The following NELL1 variants were observed in gnomAD, a reference collection of about 807,000 sequenced individuals.
NELL1 encodes protein kinase C-binding protein NELL1.
Under a neutral mutation model 107.4 loss-of-function variants are expected in NELL1, and 76 were observed. The observed-to-expected ratio is 0.71, with a 90% CI of 0.59 to 0.86. The LOEUF (loss-of-function observed/expected upper bound fraction) is 0.86. Ranked by LOEUF, NELL1 falls within the 40% of genes least tolerant of loss-of-function variation. NELL1 has a pLI of 0.00. For synonymous variants in NELL1, 353 were observed against 341.2 expected (o/e 1.03, Z -0.38); for missense variants, 1,024 against 1,005.5 (o/e 1.02, Z -0.25).
intron 10 of NELL1, among the ~76,000 whole-genome samples, chr11:20,943,986 AG>A (rs1430323196): frequency 1.3e-5 from 2 of 152,184 alleles, no homozygotes; most frequent in Non-Finnish European, 2.9e-5. Context: ...TTGTCAGCAG[AG>A]AGTGAGGGTA....
intron 12 of NELL1, among the ~76,000 whole-genome samples, chr11:21,107,570 G>C (rs547365718): frequency 6.6e-6 from 1 of 152,138 alleles, no homozygotes; most frequent in African/African-American, 2.4e-5. Flanking sequence ...TGTCAACGCA[G>C]TTGACACAGC....
intron 14 of NELL1, among the ~76,000 whole-genome samples, chr11:21,320,319 G>T (rs1418452925): frequency 6.6e-6 from 1 of 152,102 alleles, no homozygotes; most frequent in Non-Finnish European, 1.5e-5. Flanking sequence ...TCAGAAAACT[G>T]CTCGAGAGAT....
intron 12 of NELL1, among the ~76,000 whole-genome samples, chr11:20,998,187 A>G (rs1420219973): frequency 6.6e-6 from 1 of 152,076 alleles, no homozygotes; most frequent in Admixed American, 6.6e-5. Flanking sequence ...TTCTTTGTGT[A>G]TGTATATATG....
chr11:21,226,116 T>C (rs758730121), intron 13 of NELL1, among the ~76,000 whole-genome samples: 6 of 152,140 alleles, frequency 3.9e-5, no homozygotes, highest in Non-Finnish European at 8.8e-5. Flanking sequence ...TAGAAGAAAA[T>C]GGTATTTTCT....
intron 5 of NELL1, among the ~76,000 whole-genome samples, chr11:20,889,928 G>GTA (rs1386660134): frequency 6.6e-6 from 1 of 152,170 alleles, no homozygotes; most frequent in Non-Finnish European, 1.5e-5. Context: ...TCTTGTCTTG[G>GTA]TAATTCTGAA....
chr11:20,907,850 A>G (rs1850038102), intron 5 of NELL1, among the ~76,000 whole-genome samples: 1 of 152,172 alleles, frequency 6.6e-6, no homozygotes, highest in Non-Finnish European at 1.5e-5. Context: ...CAAGGAACTT[A>G]AACATATTTA....
At chr11:21,335,986 A>G (rs1850381644) in intron 14 of NELL1, among the ~76,000 whole-genome samples, 1 of 152,108 alleles carries the variant, frequency 6.6e-6, no homozygotes, top group African/African-American at 2.4e-5. Context: ...TCTTAATTTC[A>G]TGCGAAATCA....
intron 14 of NELL1, among the ~76,000 whole-genome samples, chr11:21,273,871 C>A (rs1186236371): frequency 6.6e-6 from 1 of 152,136 alleles, no homozygotes; most frequent in Non-Finnish European, 1.5e-5. Flanking sequence ...TTGTCACCAC[C>A]AGGCCTGCCC....
chr11:20,995,994 T>C (rs1242458131), intron 12 of NELL1, among the ~76,000 whole-genome samples: 1 of 152,204 alleles, frequency 6.6e-6, no homozygotes, highest in African/African-American at 2.4e-5. Flanking sequence ...TTGTGCTCAT[T>C]CTACAGGGGT....
chr11:21,295,785 T>TA (rs1268516452), intron 14 of NELL1, among the ~76,000 whole-genome samples: 1 of 151,926 alleles, frequency 6.6e-6, no homozygotes, highest in Non-Finnish European at 1.5e-5. Flanking sequence ...CTTACACTGA[T>TA]ATGGGAAGCT....
At chr11:21,327,524 A>C (rs992938470) in intron 14 of NELL1, among the ~76,000 whole-genome samples, 13 of 152,174 alleles carry the variant, frequency 8.5e-5, no homozygotes, top group East Asian at 5.8e-4. Flanking sequence ...TTTATAAATT[A>C]CCTAGTCTCC....
At chr11:21,198,407 G>A (rs1177457902) in intron 13 of NELL1, among the ~76,000 whole-genome samples, 1 of 152,150 alleles carries the variant, frequency 6.6e-6, no homozygotes, top group African/African-American at 2.4e-5. Flanking sequence ...GGAGGGCAAG[G>A]TTACACTGAA....
intron 1 of NELL1, among the ~76,000 whole-genome samples, chr11:20,677,109 A>G (rs1049086701): frequency 6.6e-6 from 1 of 152,184 alleles, no homozygotes; most frequent in Non-Finnish European, 1.5e-5. Flanking sequence ...GTTCTCTAAA[A>G]AGAGTTATCA....
chr11:20,910,709 A>T lies in NELL1; in HGVS notation c.604-7473A>T, dbSNP rs912165806. Among the ~76,000 whole-genome samples, 4 of 152,328 alleles carry T rather than the reference A, an allele frequency of 2.6e-5. No individual in the cohort carries two copies. In the East Asian group the frequency reaches 5.8e-4, roughly 22 times the overall value. ...ATTTGTTCATCATTGGTCTTTCTAG[A>T]TTGTAGGCTTCACCAGGGTCAGAAC... On this transcript the variant is annotated intron_variant, in intron 5 of 19. Transcript: ENST00000357134.
chr11:20,960,363 C>T (rs1851265176), intron 11 of NELL1, 69 bp from the exon 12 acceptor site: 1 of 1,484,046 alleles, frequency 6.7e-7, no homozygotes, highest in African/African-American at 1.4e-5. Context: ...AAAAATGTTA[C>T]ATACTTTATT....
intron 2 of NELL1, among the ~76,000 whole-genome samples, chr11:20,748,957 C>T (rs1054920035): frequency 1.3e-5 from 2 of 150,094 alleles, no homozygotes; most frequent in Non-Finnish European, 3.0e-5. Context: ...TCCATCCATC[C>T]ATATTTTGAC....
At chr11:21,346,977 C>T (rs16907971) in intron 14 of NELL1, among the ~76,000 whole-genome samples, 15,651 of 152,166 alleles carry the variant, frequency 0.1, 1,040 homozygotes, top group East Asian at 0.16. Context: ...TATGCCTGAT[C>T]CATATAAAGT....
At chr11:21,134,525 T>C (rs891412372) in intron 13 of NELL1, among the ~76,000 whole-genome samples, 1 of 152,186 alleles carries the variant, frequency 6.6e-6, no homozygotes, top group Non-Finnish European at 1.5e-5. Context: ...GCATCTTTGC[T>C]TTCAAATTCC....
chr11:21,378,076 C>G (rs564007218), intron 15 of NELL1, among the ~76,000 whole-genome samples: 54 of 151,956 alleles, frequency 3.6e-4, no homozygotes, highest in African/African-American at 3.1e-4. Flanking sequence ...CACCTTAAAC[C>G]TTTGTCGTTT....
Sources: gnomAD v4.1 joint callset for allele counts (sites outside exome capture counted in the v4.1 genomes callset) on GRCh38, gnomAD v4.1.1 for gene constraint, MANE v1.5 for transcripts, NCBI Gene and HGNC (gene_info 2026-07-23, HGNC 2026-07-21) for gene names.